MAN1A2: variants seen among roughly 807,000 people sequenced by gnomAD.
The protein encoded by MAN1A2 is mannosidase alpha class 1A member 2, also known as mannosyl-oligosaccharide 1,2-alpha-mannosidase IB.
In MAN1A2, 26 loss-of-function variants were observed where a neutral mutation model predicts 75.7. That is an observed-to-expected ratio of 0.34 (90% confidence interval 0.25 to 0.48). The LOEUF (loss-of-function observed/expected upper bound fraction) is 0.48, where lower values mean the gene tolerates loss of function less well. Ranked by LOEUF, MAN1A2 falls within the 20% of genes least tolerant of loss-of-function variation. MAN1A2 has a pLI of 0.99. For missense variants in MAN1A2, 562 were observed against 775.5 expected (o/e 0.72, Z 3.27); for synonymous variants, 247 against 264.6 (o/e 0.93, Z 0.65).
chr1:117,428,561 AAT>A lies in MAN1A2; in HGVS notation c.855+7915_855+7916del, dbSNP rs1648456295. On this transcript the variant is annotated intron_variant, in intron 5 of 12. Transcript: ENST00000356554. ...AATGCCATTAAGTTTTAGTGAATGAAATATTCTAAGTCAAAGGCAAAAATAGT... is the reference window on the plus strand; with the variant it reads ...AATGCCATTAAGTTTTAGTGAATGAAATTCTAAGTCAAAGGCAAAAATAGT... Among the ~76,000 whole-genome samples the A allele has an allele frequency of 4.0e-5, 6 of 151,522 alleles. 1 individual carries two copies. In the Admixed American group the frequency reaches 4.0e-4, roughly 10 times the overall value.
At chr1:117,402,109 C>G in intron 1 of MAN1A2, 77 bp from the exon 2 acceptor site, 2 of 1,423,988 alleles carry the variant, frequency 1.4e-6, no homozygotes, top group Non-Finnish European at 1.9e-6. Flanking sequence ...AATGGAGAAA[C>G]CTTTATGTTT....
chr1:117,421,934 A>G (rs964745424), intron 5 of MAN1A2, among the ~76,000 whole-genome samples: 3 of 152,110 alleles, frequency 2.0e-5, no homozygotes, highest in Admixed American at 6.6e-5. Context: ...CCATTATCCT[A>G]CGTTGTTCAT....
chr1:117,498,742 C>T (rs1408384869), intron 10 of MAN1A2, among the ~76,000 whole-genome samples: 2 of 151,696 alleles, frequency 1.3e-5, no homozygotes, highest in Non-Finnish European at 2.9e-5. Flanking sequence ...AATTTAGATC[C>T]TTTAATTAAA....
chr1:117,453,463 T>C (rs1370190720), intron 6 of MAN1A2, among the ~76,000 whole-genome samples: 1 of 152,154 alleles, frequency 6.6e-6, no homozygotes, highest in Non-Finnish European at 1.5e-5. Context: ...CATGGGTGAT[T>C]TTGAAGGGTT....
At chr1:117,417,755 A>G (rs1315646) in intron 4 of MAN1A2, among the ~76,000 whole-genome samples, 117,701 of 148,604 alleles carry the variant, frequency 0.79, 47,206 homozygotes, top group African/African-American at 0.92. Flanking sequence ...GTATATATAA[A>G]TATATATAAA....
intron 1 of MAN1A2, among the ~76,000 whole-genome samples, chr1:117,369,098 A>T (rs181207687): frequency 6.6e-6 from 1 of 152,212 alleles, no homozygotes; most frequent in Non-Finnish European, 1.5e-5. Flanking sequence ...GTTAAAAGGT[A>T]TTGAATCCTA....
At chr1:117,391,099 G>A (rs1557930995) in intron 1 of MAN1A2, among the ~76,000 whole-genome samples, 1 of 151,952 alleles carries the variant, frequency 6.6e-6, no homozygotes, top group African/African-American at 2.4e-5. Flanking sequence ...ATAAATATTT[G>A]GAGACTATCC....
At chr1:117,433,283 T>A (rs1227941946) in intron 5 of MAN1A2, among the ~76,000 whole-genome samples, 3 of 152,088 alleles carry the variant, frequency 2.0e-5, no homozygotes, top group Non-Finnish European at 4.4e-5. Context: ...ACTAAACTGG[T>A]GTAATGCAAA....
chr1:117,394,169 C>T (rs13375328), intron 1 of MAN1A2, among the ~76,000 whole-genome samples: 20,984 of 151,572 alleles, frequency 0.14, 1,645 homozygotes, highest in South Asian at 0.22. Flanking sequence ...GCAAGCTCTG[C>T]CTCCCGGGTT....
At chr1:117,474,114 T>C (rs184657843) in intron 8 of MAN1A2, among the ~76,000 whole-genome samples, 4 of 151,998 alleles carry the variant, frequency 2.6e-5, no homozygotes, top group Admixed American at 2.0e-4. Flanking sequence ...GGAGTAAGGG[T>C]CTTGAATGGT....
At position 117,526,841 on chromosome 1, in the gene MAN1A2, C is replaced by CCTCTCTCTCTCTCTCT. The variant is rs759656863; in HGVS notation, c.*3909_*3924dup. ...TCAAATTGGCTAGGTCCTATCTTTT[C>CCTCTCTCTCTCTCTCT]CTCTCTCTCTCTCTCTCTCTCTCTC... On this transcript the variant is annotated 3_prime_UTR_variant, in exon 13 of 13. Transcript: ENST00000356554. 29 of 66,106 alleles carry CCTCTCTCTCTCTCTCT rather than the reference C, an allele frequency of 4.4e-4. No homozygotes were observed. Among genetic ancestry groups the CCTCTCTCTCTCTCTCT allele is most frequent in the African/African-American group, 1.4e-3 (20 of 14,476 alleles). The allele number at this position is 66,106 out of a possible 1,614,324, so 4.1% of individuals were successfully genotyped here. A position where few individuals can be genotyped will look rare whatever the true frequency, so the allele number is the denominator to read the frequency against.
intron 10 of MAN1A2, among the ~76,000 whole-genome samples, chr1:117,498,132 GTGT>G (rs1461620048): frequency 1.3e-5 from 2 of 151,826 alleles, no homozygotes; most frequent in South Asian, 2.1e-4. Flanking sequence ...GGTAGTTTAA[GTGT>G]TGTTGTATAA....
chr1:117,519,667 C>T (rs776852169), intron 12 of MAN1A2, among the ~76,000 whole-genome samples: 1 of 151,568 alleles, frequency 6.6e-6, no homozygotes, highest in African/African-American at 2.4e-5. Flanking sequence ...AGAGAAGCAG[C>T]GAAATTGAAA....
At chr1:117,464,168 C>G (rs1375371171) in intron 7 of MAN1A2, among the ~76,000 whole-genome samples, 1 of 151,544 alleles carries the variant, frequency 6.6e-6, no homozygotes, top group African/African-American at 2.4e-5. Flanking sequence ...GAATTCGAGA[C>G]AAGCCTGGGC....
intron 5 of MAN1A2, among the ~76,000 whole-genome samples, chr1:117,429,954 C>A (rs1648551596): frequency 1.3e-5 from 1 of 76,650 alleles, no homozygotes; most frequent in Non-Finnish European, 2.8e-5. Context: ...CCCCTCACCT[C>A]CAGACGGGGC....
At chr1:117,408,306 A>T (rs1041926496) in intron 3 of MAN1A2, among the ~76,000 whole-genome samples, 23 of 149,352 alleles carry the variant, frequency 1.5e-4, no homozygotes, top group Admixed American at 5.3e-4. Context: ...TTCTCTTAAA[A>T]AAAAAAAAAA....
rs995974060 is a variant in MAN1A2, at chr1:117,439,286, A to C, written c.856-2945A>C. On this transcript the variant is annotated intron_variant, in intron 5 of 12. Transcript: ENST00000356554. ...ATTAAGGACTGTGGCTTTTGCTCTGAGATAGGGAGCCATTTGAGGGTTCTA... is the reference window on the plus strand; with the variant it reads ...ATTAAGGACTGTGGCTTTTGCTCTGCGATAGGGAGCCATTTGAGGGTTCTA... 3.9e-5 allele frequency among the ~76,000 whole-genome samples: 6 copies of C among 152,146 alleles called. No homozygotes were observed. In the East Asian group the frequency reaches 1.2e-3, roughly 29 times the overall value.
At chr1:117,395,742 G>T (rs1653881483) in intron 1 of MAN1A2, among the ~76,000 whole-genome samples, 1 of 152,144 alleles carries the variant, frequency 6.6e-6, no homozygotes, top group African/African-American at 2.4e-5. Context: ...GGAAACCTTG[G>T]AAGGTACTCA....
intron 6 of MAN1A2, among the ~76,000 whole-genome samples, chr1:117,455,486 A>G (rs1293080303): frequency 1.3e-5 from 2 of 152,132 alleles, no homozygotes; most frequent in Non-Finnish European, 2.9e-5. Context: ...TTGTATGTAA[A>G]TTATACGTCA....
Sources: gnomAD v4.1 joint callset for allele counts (sites outside exome capture counted in the v4.1 genomes callset) on GRCh38, gnomAD v4.1.1 for gene constraint, MANE v1.5 for transcripts, NCBI Gene and HGNC (gene_info 2026-07-23, HGNC 2026-07-21) for gene names.